DNAJC3: variants seen among roughly 807,000 people sequenced by gnomAD.
The protein encoded by DNAJC3 is DnaJ heat shock protein family (Hsp40) member C3, also known as dnaJ homolog subfamily C member 3.
In DNAJC3, 38 loss-of-function variants were observed where a neutral mutation model predicts 68.6. The observed-to-expected ratio is 0.55, with a 90% CI of 0.43 to 0.73. The LOEUF is 0.73. DNAJC3 is among the 30% of genes least tolerant of loss of function. DNAJC3 has a pLI of 0.00. For missense variants in DNAJC3, 526 were observed against 591.9 expected (o/e 0.89, Z 1.16); for synonymous variants, 203 against 204.0 (o/e 1.00, Z 0.04).
intron 2 of DNAJC3, among the ~76,000 whole-genome samples, chr13:95,713,894 G>A (rs981067948): frequency 6.6e-6 from 1 of 152,198 alleles, no homozygotes; most frequent in Admixed American, 6.5e-5. Flanking sequence ...GTCCTGCAAA[G>A]AGGACACTTA....
intron 1 of DNAJC3, among the ~76,000 whole-genome samples, chr13:95,691,597 C>T (rs1368823945): frequency 5.9e-5 from 9 of 152,154 alleles, no homozygotes; most frequent in African/African-American, 1.7e-4. Flanking sequence ...AGGGGCTCCT[C>T]ACATCCCAGA....
At chr13:95,702,814 G>T (rs1368118621) in intron 1 of DNAJC3, among the ~76,000 whole-genome samples, 1 of 152,210 alleles carries the variant, frequency 6.6e-6, no homozygotes, top group East Asian at 1.9e-4. Context: ...AGCTATCCTT[G>T]CAGGGAAGAA....
At chr13:95,728,068 A>G (rs1881588100) in intron 4 of DNAJC3, among the ~76,000 whole-genome samples, 1 of 152,178 alleles carries the variant, frequency 6.6e-6, no homozygotes, top group Admixed American at 6.5e-5. Flanking sequence ...ATTTATCTAG[A>G]TTTTTACATA....
rs930421999 is a variant in DNAJC3 at position 95,719,109 on chromosome 13, A to T, written c.194-4133A>T. Among the ~76,000 whole-genome samples the T allele has an allele frequency of 4.2e-4, 64 of 152,240 alleles. 1 individual carries two copies. Among genetic ancestry groups the T allele is most frequent in the Non-Finnish European group, 1.0e-4 (7 of 68,038 alleles). On this transcript the variant is annotated intron_variant, in intron 2 of 11. Transcript: ENST00000602402. ...CTAGAGCAGCTCACAGAACTCAGGGAAACACTTACGTTTACTGGTTTATTA... is the reference window on the plus strand; with the variant it reads ...CTAGAGCAGCTCACAGAACTCAGGGTAACACTTACGTTTACTGGTTTATTA...
intron 9 of DNAJC3, among the ~76,000 whole-genome samples, chr13:95,765,579 T>G (rs1222902003): frequency 1.3e-5 from 2 of 149,860 alleles, no homozygotes; most frequent in Non-Finnish European, 3.0e-5. Flanking sequence ...TTTTTTTTTT[T>G]TTTTTTTTTG....
rs947099057 is a variant in DNAJC3 at position 95,677,165 on chromosome 13, C to G, written c.-91C>G. ...GAGCCACTGAGGCCTGAGCGAGAGC[C>G]GACGGCGGGCGGGCGCAGCTGCTGC... On this transcript the variant is annotated 5_prime_UTR_variant, in exon 1 of 12. Coordinates refer to ENST00000602402, the MANE Select transcript of DNAJC3 (RefSeq NM_006260.5). 2 of 1,239,628 alleles carry G rather than the reference C, an allele frequency of 1.6e-6. No homozygotes were observed. Among genetic ancestry groups the G allele is most frequent in the African/African-American group, 1.5e-5 (1 of 64,518 alleles). 76.8% of individuals were successfully genotyped at this position (1,239,628 alleles called of 1,614,324 possible).
intron 4 of DNAJC3, among the ~76,000 whole-genome samples, chr13:95,733,514 C>T (rs1227250308): frequency 6.6e-6 from 1 of 152,156 alleles, no homozygotes; most frequent in African/African-American, 2.4e-5. Flanking sequence ...GCTTCAGCCT[C>T]CTGAGTAGCT....
intron 4 of DNAJC3, among the ~76,000 whole-genome samples, chr13:95,729,698 A>C (rs1272482607): frequency 6.6e-6 from 1 of 152,046 alleles, no homozygotes; most frequent in Non-Finnish European, 1.5e-5. Context: ...TATAGTAGCC[A>C]TTCTAACTGG....
rs375594407 is a variant in DNAJC3 at position 95,697,500 on chromosome 13, G to A, written c.83-11727G>A. 3.0e-4 allele frequency among the ~76,000 whole-genome samples: 46 copies of A among 152,274 alleles called. No homozygotes were observed. The South Asian group carries it at 4.1e-3, about 14-fold the overall frequency. On this transcript the variant is annotated intron_variant, in intron 1 of 11. Coordinates refer to ENST00000602402, the MANE Select transcript of DNAJC3 (RefSeq NM_006260.5). ...ATGACTACATTCCTTGGTTATGTTC[G>A]TCTTGTATAGTATCTTCCAGGTGCC... is the stretch of plus-strand genomic sequence containing the variant.
chr13:95,762,494 C>G (rs1282050110), intron 7 of DNAJC3, among the ~76,000 whole-genome samples: 1 of 152,080 alleles, frequency 6.6e-6, no homozygotes, highest in African/African-American at 2.4e-5. Context: ...TCTTTTCCTC[C>G]TTTGAAAGTT....
At chr13:95,779,341 G>C (rs17879508) in intron 9 of DNAJC3, among the ~76,000 whole-genome samples, 2 of 151,916 alleles carry the variant, frequency 1.3e-5, no homozygotes, top group Non-Finnish European at 2.9e-5. Flanking sequence ...AGCCAGGATG[G>C]TCTCGATCTC....
At chr13:95,756,996 T>C (rs1343555081) in intron 4 of DNAJC3, among the ~76,000 whole-genome samples, 1 of 152,178 alleles carries the variant, frequency 6.6e-6, no homozygotes, top group Non-Finnish European at 1.5e-5. Flanking sequence ...GAATTGTACA[T>C]TTGAAATGAG....
intron 4 of DNAJC3, among the ~76,000 whole-genome samples, chr13:95,741,049 A>G (rs1487875279): frequency 1.3e-5 from 2 of 152,008 alleles, no homozygotes; most frequent in African/African-American, 2.4e-5. Flanking sequence ...TTTTTCTGGT[A>G]TTTCACAAAT....
At chr13:95,789,465 C>T (rs1366587350) in intron 11 of DNAJC3, among the ~76,000 whole-genome samples, 1 of 152,122 alleles carries the variant, frequency 6.6e-6, no homozygotes, top group Non-Finnish European at 1.5e-5. Context: ...CCATCCATGC[C>T]CCTGCAAGAG....
At position 95,742,679 on chromosome 13, in the gene DNAJC3, G is replaced by C. The variant is rs1417076337; in HGVS notation, c.394-14965G>C. On this transcript the variant is annotated intron_variant, in intron 4 of 11. Coordinates refer to ENST00000602402, the MANE Select transcript of DNAJC3 (RefSeq NM_006260.5). ...GTTGGGACTCCAGCGTTCTCTCCTAGATGATCTATACTTGCTATTTTGGTT... is the reference window on the plus strand; with the variant it reads ...GTTGGGACTCCAGCGTTCTCTCCTACATGATCTATACTTGCTATTTTGGTT... 7.7e-6 allele frequency: 4 copies of C among 518,976 alleles called. 1 individual carries two copies. Among genetic ancestry groups the C allele is most frequent in the Middle Eastern group, 6.4e-4 (2 of 3,146 alleles). The allele number at this position is 518,976 out of a possible 1,614,324, so 32.1% of individuals were successfully genotyped here.
intron 5 of DNAJC3, 81 bp from the exon 6 acceptor site, chr13:95,759,959 G>T: frequency 7.5e-7 from 1 of 1,336,680 alleles, no homozygotes; most frequent in Non-Finnish European, 1.0e-6. Context: ...TGATAAATAC[G>T]TAGATAAAAA....
chr13:95,707,697 A>T (rs1052377181), intron 1 of DNAJC3, among the ~76,000 whole-genome samples: 3 of 152,198 alleles, frequency 2.0e-5, no homozygotes, highest in Non-Finnish European at 2.9e-5. Context: ...TTAATCTAAG[A>T]ACTGTTAAGT....
At chr13:95,684,817 G>A (rs753364787) in intron 1 of DNAJC3, among the ~76,000 whole-genome samples, 2 of 152,220 alleles carry the variant, frequency 1.3e-5, no homozygotes, top group Non-Finnish European at 2.9e-5. Context: ...GCCTTCAGAC[G>A]GTGCCAGCCC....
rs1881104718 is a variant in DNAJC3, at chr13:95,715,406, T to TTGTCACAA, written c.193+6069_193+6070insTGTCACAA. Among the ~76,000 whole-genome samples, 4 of 151,876 alleles carry TTGTCACAA rather than the reference T, an allele frequency of 2.6e-5. No individual in the cohort carries two copies. The South Asian group carries it at 8.3e-4, about 32-fold the overall frequency. On this transcript the variant is annotated intron_variant, in intron 2 of 11. Transcript: ENST00000602402. ...ACAGAGTGAAACCCTGTCTCCAAAA[T>TTGTCACAA]AAAGTGTCATTTTGTTCAATGTGAT...
Sources: gnomAD v4.1 joint callset for allele counts (sites outside exome capture counted in the v4.1 genomes callset) on GRCh38, gnomAD v4.1.1 for gene constraint, MANE v1.5 for transcripts, NCBI Gene and HGNC (gene_info 2026-07-23, HGNC 2026-07-21) for gene names.